Variants in DTNBP1 observed in about 807,000 individuals in gnomAD.
DTNBP1 encodes dystrobrevin binding protein 1.
Under a neutral mutation model 42.8 loss-of-function variants are expected in DTNBP1, and 35 were observed. That is an observed-to-expected ratio of 0.82 (90% confidence interval 0.63 to 1.09). The LOEUF is 1.09. Among genes scored for constraint, DTNBP1 ranks in the 50% least tolerant of loss-of-function variants. DTNBP1 has a pLI of 0.00. For synonymous variants in DTNBP1, 171 were observed against 162.2 expected (o/e 1.05, Z -0.41); for missense variants, 457 against 424.2 (o/e 1.08, Z -0.68).
intron 9 of DTNBP1, chr6:15,523,717 C>G: frequency 7.8e-7 from 1 of 1,287,220 alleles, no homozygotes; most frequent in Non-Finnish European, 1.0e-6. Flanking sequence ...TCTAAATCTT[C>G]CCCTGACTCT....
At chr6:15,627,514 T>A (rs1759420712) in intron 4 of DTNBP1, 39 bp from the exon 5 acceptor site, 1 of 1,612,448 alleles carries the variant, frequency 6.2e-7, no homozygotes, top group African/African-American at 1.3e-5. Context: ...GAAACCAGGT[T>A]TTAGGCACAA....
intron 7 of DTNBP1, among the ~76,000 whole-genome samples, chr6:15,548,966 T>G (rs1003594782): frequency 2.0e-5 from 3 of 152,186 alleles, no homozygotes; most frequent in Admixed American, 1.3e-4. Flanking sequence ...ATCTTATTCA[T>G]TCAAGAACAA....
chr6:15,593,025 A>G (rs755139068), intron 7 of DTNBP1, 34 bp downstream of exon 7: 13 of 1,573,322 alleles, frequency 8.3e-6, no homozygotes, highest in Non-Finnish European at 1.1e-5. Flanking sequence ...TGAACTCTCA[A>G]CTACTTTAAA....
Position 15,522,812 on chromosome 6 carries a change from C to A in DTNBP1, c.*163G>T. 8.0e-7 allele frequency: 1 copy of A among 1,247,646 alleles called. No homozygotes were observed. The allele number at this position is 1,247,646 out of a possible 1,614,324, so 77.3% of individuals were successfully genotyped here. A position where few individuals can be genotyped will look rare whatever the true frequency, so the allele number is the denominator to read the frequency against. ...CTAGCTCTGTGCGCTCTCAGTTTAC[C>A]GTCCTCACACTTTATTGTTAGCTGT... On this transcript the variant is annotated 3_prime_UTR_variant, in exon 10 of 10. Coordinates refer to ENST00000344537, the MANE Select transcript of DTNBP1 (RefSeq NM_032122.5).
intron 2 of DTNBP1, 86 bp downstream of exon 2, chr6:15,652,001 A>G: frequency 8.4e-7 from 1 of 1,195,830 alleles, no homozygotes; most frequent in African/African-American, 1.5e-5. Context: ...TCTAAGGTTC[A>G]TTAATATAAC....
chr6:15,581,079 G>A (rs751018743), intron 7 of DTNBP1, among the ~76,000 whole-genome samples: 22 of 152,148 alleles, frequency 1.4e-4, no homozygotes, highest in African/African-American at 5.1e-4. Context: ...GCTCATAAAC[G>A]GACTCTACAT....
intron 7 of DTNBP1, among the ~76,000 whole-genome samples, chr6:15,580,348 T>C (rs886773653): frequency 6.6e-6 from 1 of 152,178 alleles, no homozygotes; most frequent in Non-Finnish European, 1.5e-5. Flanking sequence ...AAGTATAAAC[T>C]GGAACAACCC....
intron 6 of DTNBP1, among the ~76,000 whole-genome samples, chr6:15,610,197 T>C (rs1758314289): frequency 6.6e-6 from 1 of 152,228 alleles, no homozygotes; most frequent in Admixed American, 6.5e-5. Context: ...TTACTTCACA[T>C]ACGTGCTTTC....
chr6:15,525,765 C>T (rs911408083), intron 8 of DTNBP1, among the ~76,000 whole-genome samples: 6 of 152,088 alleles, frequency 3.9e-5, no homozygotes, highest in African/African-American at 1.2e-4. Flanking sequence ...TACAAGAGAG[C>T]ATAAAAGGTA....
chr6:15,567,131 C>CTA (rs778028958), intron 7 of DTNBP1, among the ~76,000 whole-genome samples: 4 of 152,084 alleles, frequency 2.6e-5, no homozygotes, highest in Non-Finnish European at 5.9e-5. Flanking sequence ...GCGTAGCCAC[C>CTA]TATGAGTCTT....
At chr6:15,525,742 CAAAG>C (rs980974979) in intron 8 of DTNBP1, among the ~76,000 whole-genome samples, 2 of 152,038 alleles carry the variant, frequency 1.3e-5, no homozygotes, top group Non-Finnish European at 2.9e-5. Flanking sequence ...CATAGAAGAA[CAAAG>C]AAAGGAAATA....
At chr6:15,541,385 T>C (rs955371370) in intron 7 of DTNBP1, among the ~76,000 whole-genome samples, 1 of 152,160 alleles carries the variant, frequency 6.6e-6, no homozygotes, top group African/African-American at 2.4e-5. Context: ...AATTTTAGAA[T>C]GAGGACTGAA....
rs778217545 is a variant in DTNBP1 at position 15,662,864 on chromosome 6, C to A, written c.6G>T (p.Leu2=). The A allele has an allele frequency of 1.1e-4, 172 of 1,606,770 alleles. No individual in the cohort carries two copies. Among genetic ancestry groups the A allele is most frequent in the Non-Finnish European group, 1.1e-4 (124 of 1,179,528 alleles). The change falls in exon 1 of 10, where the codon CTG becomes CTT. Residue 2 remains leucine, a synonymous_variant. Transcript: ENST00000344537. M[L]ETLRERLLSV... The stretch of plus-strand genomic sequence containing the variant: ...TCAGCAGCCGCTCGCGAAGGGTCTC[C>A]AGCATTGCCGCCGCCGCCGGTCTCC...
At chr6:15,585,652 CAGGCATGGAAATA>C (rs1776049558) in intron 7 of DTNBP1, 5 of 1,503,370 alleles carry the variant, frequency 3.3e-6, no homozygotes, top group African/African-American at 1.4e-5. Flanking sequence ...GCAATGTATC[CAGGCATGGAAATA>C]AACATTTCAA....
chr6:15,600,156 C>T (rs1353956875), intron 6 of DTNBP1, among the ~76,000 whole-genome samples: 1 of 152,134 alleles, frequency 6.6e-6, no homozygotes, highest in Non-Finnish European at 1.5e-5. Flanking sequence ...GCAGTCCATA[C>T]ACGCAGAGAA....
chr6:15,615,371 T>C lies in DTNBP1; in HGVS notation c.384A>G (p.Val128=). Residue 128 remains valine (V), a synonymous_variant, in exon 6 of 10, where the codon GTA becomes GTG. Coordinates refer to ENST00000344537, the MANE Select transcript of DTNBP1 (RefSeq NM_032122.5). ...LTHLEASFEE[V]ENNLLHLEDL... ...CTTCCAGATGCAGCAGGTTGTTCTC[T>C]ACCTCCTCAAAACTCGCCTCTAAAT... is the stretch of plus-strand genomic sequence containing the variant. The C allele has an allele frequency of 6.2e-7, 1 of 1,614,126 alleles. No homozygotes were observed. Among genetic ancestry groups the C allele is most frequent in the Non-Finnish European group, 8.5e-7 (1 of 1,180,028 alleles).
intron 7 of DTNBP1, among the ~76,000 whole-genome samples, chr6:15,591,989 C>G (rs920520986): frequency 2.0e-5 from 3 of 152,196 alleles, no homozygotes; most frequent in African/African-American, 2.4e-5. Context: ...ATCACATGAT[C>G]ATTTAACATT....
At chr6:15,561,504 C>G (rs1002871304) in intron 7 of DTNBP1, among the ~76,000 whole-genome samples, 2 of 152,176 alleles carry the variant, frequency 1.3e-5, no homozygotes, top group Non-Finnish European at 2.9e-5. Flanking sequence ...TGCTTTCTGA[C>G]CAAGCATCTC....
chr6:15,659,395 G>A (rs1562019497), intron 1 of DTNBP1, among the ~76,000 whole-genome samples: 1 of 152,112 alleles, frequency 6.6e-6, no homozygotes, highest in Non-Finnish European at 1.5e-5. Context: ...CTGCACACCC[G>A]GTGTTTCCAA....
Sources: gnomAD v4.1 joint callset for allele counts (sites outside exome capture counted in the v4.1 genomes callset) on GRCh38, gnomAD v4.1.1 for gene constraint, MANE v1.5 for transcripts, NCBI Gene and HGNC (gene_info 2026-07-23, HGNC 2026-07-21) for gene names.